SYCP1: variants seen among roughly 807,000 people sequenced by gnomAD.
SYCP1 encodes the protein cancer/testis antigen 8.
Under a neutral mutation model 153.1 loss-of-function variants are expected in SYCP1, and 64 were observed. The observed-to-expected ratio is 0.42, with a 90% CI of 0.34 to 0.51. SYCP1 has a LOEUF of 0.51. Ranked by LOEUF, SYCP1 falls within the 20% of genes least tolerant of loss-of-function variation. SYCP1 has a pLI of 0.06. For missense variants in SYCP1, 997 were observed against 1,049.0 expected (o/e 0.95, Z 0.68); for synonymous variants, 384 against 341.8 (o/e 1.12, Z -1.36).
At chr1:114,917,848 T>C (rs996570338) in intron 20 of SYCP1, among the ~76,000 whole-genome samples, 2 of 152,098 alleles carry the variant, frequency 1.3e-5, no homozygotes, top group African/African-American at 4.8e-5. Context: ...CTTATTCCCA[T>C]AGAGTTTTTT....
At chr1:114,940,766 T>C (rs547757710) in intron 23 of SYCP1, among the ~76,000 whole-genome samples, 2 of 152,306 alleles carry the variant, frequency 1.3e-5, no homozygotes, top group South Asian at 4.1e-4. Context: ...GTGTTTCCTT[T>C]ATGTAAAGAT....
chr1:114,957,935 A>G (rs182400319), intron 27 of SYCP1, among the ~76,000 whole-genome samples: 3 of 152,336 alleles, frequency 2.0e-5, no homozygotes, highest in African/African-American at 2.4e-5. Flanking sequence ...ATTACTGAGT[A>G]TATATCCAAA....
At chr1:114,855,376 TA>T in intron 1 of SYCP1, 64 bp from the exon 2 acceptor site, 1 of 885,686 alleles carries the variant, frequency 1.1e-6, no homozygotes. Context: ...AAAGAATACA[TA>T]GTGTATTCAT....
chr1:114,954,707 A>T (rs1288374198), intron 27 of SYCP1, among the ~76,000 whole-genome samples: 1 of 151,994 alleles, frequency 6.6e-6, no homozygotes, highest in Non-Finnish European at 1.5e-5. Flanking sequence ...CAGCTTCCCG[A>T]GCAGCTGGGA....
At chr1:114,976,077 T>G (rs1672775572) in intron 27 of SYCP1, among the ~76,000 whole-genome samples, 1 of 151,816 alleles carries the variant, frequency 6.6e-6, no homozygotes, top group Non-Finnish European at 1.5e-5. Flanking sequence ...GCATTATAGA[T>G]TCCCAATAAT....
At chr1:114,900,794 C>G (rs537196267) in intron 16 of SYCP1, among the ~76,000 whole-genome samples, 1 of 151,316 alleles carries the variant, frequency 6.6e-6, no homozygotes, top group Non-Finnish European at 1.5e-5. Flanking sequence ...TTCCATATGT[C>G]CCCATGCCTT....
rs187538196 is a variant in SYCP1 at position 114,995,251 on chromosome 1, G to A, written c.*232G>A. ...TTATATATTGTTGTTACTTTTTCTTGTATTCATGAAAACTGTTTTTACTAA... is the reference window on the plus strand; with the variant it reads ...TTATATATTGTTGTTACTTTTTCTTATATTCATGAAAACTGTTTTTACTAA... On this transcript the variant is annotated 3_prime_UTR_variant, in exon 32 of 32. Transcript: ENST00000369522. The A allele has an allele frequency of 6.9e-4, 216 of 313,826 alleles. 2 individuals carry two copies. In the East Asian group the frequency reaches 0.012, roughly 18 times the overall value. The allele number at this position is 313,826 out of a possible 1,614,324, so 19.4% of individuals were successfully genotyped here.
At chr1:114,880,395 G>A (rs1439196015) in intron 12 of SYCP1, among the ~76,000 whole-genome samples, 1 of 151,640 alleles carries the variant, frequency 6.6e-6, no homozygotes, top group African/African-American at 2.4e-5. Context: ...TTATCCTTTG[G>A]TGTGCCCTGT....
chr1:114,950,501 C>A lies in SYCP1; in HGVS notation c.2322+3181C>A, dbSNP rs73004467. Among the ~76,000 whole-genome samples the A allele has an allele frequency of 5.1e-3, 781 of 152,090 alleles. 9 individuals are homozygous for A. The highest frequency in any genetic ancestry group is 0.018 in the African/African-American group (760 of 41,522). Reference sequence around the variant, plus strand: ...AAAAAGGGTAAAAATAGCCTACAAACCCATATCTCAGAGTTTACTGTTTTT... The same window carrying A: ...AAAAAGGGTAAAAATAGCCTACAAAACCATATCTCAGAGTTTACTGTTTTT... On this transcript the variant is annotated intron_variant, in intron 27 of 31. Transcript: ENST00000369522.
At chr1:114,949,812 G>C (rs58510871) in intron 27 of SYCP1, among the ~76,000 whole-genome samples, 5,157 of 152,114 alleles carry the variant, frequency 0.034, 290 homozygotes, top group African/African-American at 0.12. Flanking sequence ...TTCTTGTCTT[G>C]GGTCACACTG....
At chr1:114,977,693 A>C in intron 28 of SYCP1, 77 bp downstream of exon 28, 1 of 937,646 alleles carries the variant, frequency 1.1e-6, no homozygotes, top group Non-Finnish European at 1.6e-6. Flanking sequence ...TTTTTTGTTT[A>C]TAAGTAGGAA....
intron 19 of SYCP1, among the ~76,000 whole-genome samples, chr1:114,913,686 T>G (rs1047684722): frequency 3.3e-5 from 5 of 151,964 alleles, no homozygotes; most frequent in Non-Finnish European, 2.9e-5. Flanking sequence ...TAACAATGAA[T>G]GGAAAACATT....
intron 23 of SYCP1, among the ~76,000 whole-genome samples, chr1:114,932,834 G>A (rs1669727447): frequency 6.6e-6 from 1 of 152,220 alleles, no homozygotes; most frequent in Non-Finnish European, 1.5e-5. Context: ...CGAACTGCAA[G>A]GAGGCAGTGA....
At chr1:114,938,218 TA>T (rs971598112) in intron 23 of SYCP1, among the ~76,000 whole-genome samples, 15 of 152,164 alleles carry the variant, frequency 9.9e-5, no homozygotes, top group African/African-American at 3.6e-4. Flanking sequence ...TATGCAGCCA[TA>T]AAAAAGGACG....
intron 23 of SYCP1, among the ~76,000 whole-genome samples, chr1:114,927,871 T>C (rs546057464): frequency 6.6e-6 from 1 of 152,070 alleles, no homozygotes; most frequent in African/African-American, 2.4e-5. Context: ...AAGGCTGGAG[T>C]GTGCAGTGGA....
intron 23 of SYCP1, among the ~76,000 whole-genome samples, chr1:114,928,464 A>G (rs1557808158): frequency 6.6e-6 from 1 of 152,212 alleles, no homozygotes; most frequent in Non-Finnish European, 1.5e-5. Context: ...TGAAGACAAC[A>G]TGACTTCAAA....
At chr1:114,924,560 G>T (rs1236763467) in intron 21 of SYCP1, among the ~76,000 whole-genome samples, 1 of 152,132 alleles carries the variant, frequency 6.6e-6, no homozygotes, top group East Asian at 1.9e-4. Flanking sequence ...GATTAATAGG[G>T]ATTAGTGGAG....
chr1:114,974,228 C>G (rs1053562216), intron 27 of SYCP1, among the ~76,000 whole-genome samples: 1 of 151,628 alleles, frequency 6.6e-6, no homozygotes, highest in Non-Finnish European at 1.5e-5. Context: ...GTAATAAACT[C>G]TATTTGGTTA....
intron 23 of SYCP1, among the ~76,000 whole-genome samples, chr1:114,938,944 C>T (rs778859047): frequency 5.9e-5 from 9 of 152,040 alleles, no homozygotes; most frequent in East Asian, 1.9e-4. Context: ...TTGGAATTCT[C>T]GAGCACTGTT....
Sources: gnomAD v4.1 joint callset for allele counts (sites outside exome capture counted in the v4.1 genomes callset) on GRCh38, gnomAD v4.1.1 for gene constraint, MANE v1.5 for transcripts, NCBI Gene and HGNC (gene_info 2026-07-23, HGNC 2026-07-21) for gene names.